Variants in ZBTB16 observed in about 807,000 individuals in gnomAD.
ZBTB16 encodes zinc finger and BTB domain containing 16.
Under a neutral mutation model 56.8 loss-of-function variants are expected in ZBTB16, and 8 were observed. The observed-to-expected ratio is 0.14, with a 90% CI of 0.08 to 0.25. The LOEUF is 0.25. Among genes scored for constraint, ZBTB16 ranks in the 10% least tolerant of loss-of-function variants. ZBTB16 has a pLI of 1.00. For missense variants in ZBTB16, 625 were observed against 903.0 expected (o/e 0.69, Z 3.95); for synonymous variants, 363 against 368.5 (o/e 0.98, Z 0.17).
At chr11:114,119,268 A>G (rs1211004999) in intron 2 of ZBTB16, among the ~76,000 whole-genome samples, 32 of 133,954 alleles carry the variant, frequency 2.4e-4, no homozygotes, top group Non-Finnish European at 4.0e-4. Context: ...CTGTCTCAAA[A>G]AAAAAAAAAA....
intron 4 of ZBTB16, among the ~76,000 whole-genome samples, chr11:114,224,905 A>G (rs1453686011): frequency 6.6e-6 from 1 of 152,170 alleles, no homozygotes; most frequent in Non-Finnish European, 1.5e-5. Flanking sequence ...TCAAAGGCAA[A>G]CAGTTTTGGT....
rs1941310852 is a variant in ZBTB16 at position 114,120,461 on chromosome 11, A to C, written c.1269-35876A>C. On this transcript the variant is annotated intron_variant, in intron 2 of 6. Transcript: ENST00000335953. ...TTCTACTGTTTCATCCCTTTCCTTC[A>C]GTCCACCCTGGATCTCATCCTTTAA... is the stretch of plus-strand genomic sequence containing the variant. Among the ~76,000 whole-genome samples the C allele has an allele frequency of 2.0e-5, 3 of 152,204 alleles. No individual in the cohort carries two copies. The South Asian group carries it at 6.2e-4, about 32-fold the overall frequency.
chr11:114,237,710 C>T (rs1042671433), intron 4 of ZBTB16, among the ~76,000 whole-genome samples: 1 of 152,208 alleles, frequency 6.6e-6, no homozygotes, highest in African/African-American at 2.4e-5. Context: ...TGCGAACAAT[C>T]AGCTAGGCTG....
chr11:114,173,839 G>A (rs143028486), intron 3 of ZBTB16, among the ~76,000 whole-genome samples: 1 of 152,338 alleles, frequency 6.6e-6, no homozygotes, highest in East Asian at 1.9e-4. Flanking sequence ...ATTCATCAAT[G>A]TGAGAGTCCA....
intron 4 of ZBTB16, among the ~76,000 whole-genome samples, chr11:114,218,054 C>T (rs1024797408): frequency 9.9e-5 from 15 of 152,034 alleles, no homozygotes; most frequent in Non-Finnish European, 2.1e-4. Flanking sequence ...AAGAGGCTGA[C>T]AGGCTGAAGA....
At chr11:114,233,674 TCC>T (rs1391698567) in intron 4 of ZBTB16, among the ~76,000 whole-genome samples, 1 of 151,604 alleles carries the variant, frequency 6.6e-6, no homozygotes, top group Non-Finnish European at 1.5e-5. Context: ...CCTCATTTTC[TCC>T]CCCTCTTGGG....
At chr11:114,194,447 C>G (rs1186495216) in intron 4 of ZBTB16, among the ~76,000 whole-genome samples, 4 of 152,150 alleles carry the variant, frequency 2.6e-5, no homozygotes, top group Admixed American at 2.6e-4. Flanking sequence ...AGCTGGTGTT[C>G]TAGGAGGCCA....
intron 4 of ZBTB16, among the ~76,000 whole-genome samples, chr11:114,227,402 T>TC (rs1323232073): frequency 2.8e-4 from 43 of 152,130 alleles, no homozygotes; most frequent in African/African-American, 9.9e-4. Flanking sequence ...ACAAAGCCTA[T>TC]CCCCCCTCAT....
intron 5 of ZBTB16, among the ~76,000 whole-genome samples, chr11:114,244,602 G>A (rs886224035): frequency 6.6e-6 from 1 of 152,144 alleles, no homozygotes; most frequent in Admixed American, 6.5e-5. Flanking sequence ...TCGGGATGGG[G>A]ATACGTGTGT....
At chr11:114,080,931 T>G (rs543909849) in intron 2 of ZBTB16, among the ~76,000 whole-genome samples, 5 of 152,310 alleles carry the variant, frequency 3.3e-5, no homozygotes, top group Admixed American at 6.5e-5. Flanking sequence ...GCTCTCAATG[T>G]GTCCAAGAAT....
At chr11:114,176,786 G>A (rs182174789) in intron 3 of ZBTB16, among the ~76,000 whole-genome samples, 53 of 152,352 alleles carry the variant, frequency 3.5e-4, no homozygotes, top group Admixed American at 3.4e-3. Flanking sequence ...CTCAGGCAGT[G>A]ACAGTCAGGA....
rs75785486 is a variant in ZBTB16 at position 114,110,203 on chromosome 11, C to T, written c.1268+45635C>T. Among the ~76,000 whole-genome samples, 1,471 of 152,128 alleles carry T rather than the reference C, an allele frequency of 9.7e-3. 35 individuals carry two copies. The highest frequency in any genetic ancestry group is 0.032 in the African/African-American group (1,338 of 41,488). On this transcript the variant is annotated intron_variant, in intron 2 of 6. Transcript: ENST00000335953. ...CTGTGCCCCCACCCCCTTTTCCTAG[C>T]CCTATGAAGGGCTCAGACTTTCTTG...
intron 2 of ZBTB16, among the ~76,000 whole-genome samples, chr11:114,104,550 G>A (rs1940724034): frequency 6.6e-6 from 1 of 152,142 alleles, no homozygotes; most frequent in South Asian, 2.1e-4. Flanking sequence ...GATTGGTGTT[G>A]TTTTGCTGTG....
Position 114,220,399 on chromosome 11 carries a change from G to T in ZBTB16, c.1454-21768G>T, listed in dbSNP as rs190106027. Among the ~76,000 whole-genome samples, 3 of 152,340 alleles carry T rather than the reference G, an allele frequency of 2.0e-5. No individual in the cohort carries two copies. The East Asian group carries it at 5.8e-4, about 29-fold the overall frequency. ...GTGTGAGCAATGCATGCATGTGAGT[G>T]TGTGTAAATATGTCATGTTCTAGCC... On this transcript the variant is annotated intron_variant, in intron 4 of 6. Coordinates refer to ENST00000335953, the MANE Select transcript of ZBTB16 (RefSeq NM_006006.6).
At position 114,155,926 on chromosome 11, in the gene ZBTB16, G is replaced by A. The variant is rs560787258; in HGVS notation, c.1269-411G>A. 3.9e-5 allele frequency among the ~76,000 whole-genome samples: 6 copies of A among 152,272 alleles called. No individual in the cohort carries two copies. In the South Asian group the frequency reaches 6.2e-4, roughly 16 times the overall value. On this transcript the variant is annotated intron_variant, in intron 2 of 6. Coordinates refer to ENST00000335953, the MANE Select transcript of ZBTB16 (RefSeq NM_006006.6). The stretch of plus-strand genomic sequence containing the variant: ...TAGCCCTCCTGGGTCCCATGGGCTC[G>A]TTCACAGTCACCACCCGGGAAAGGC...
At chr11:114,228,480 T>C (rs963098380) in intron 4 of ZBTB16, among the ~76,000 whole-genome samples, 2 of 152,180 alleles carry the variant, frequency 1.3e-5, no homozygotes, top group African/African-American at 2.4e-5. Context: ...GTCACTTTTT[T>C]CCCCTCTCTG....
intron 3 of ZBTB16, among the ~76,000 whole-genome samples, chr11:114,165,680 G>C (rs1301120911): frequency 1.3e-5 from 2 of 152,194 alleles, no homozygotes; most frequent in Non-Finnish European, 2.9e-5. Flanking sequence ...AAAGGGGTCA[G>C]TGCCAGGGAG....
rs1045897584 is a variant in ZBTB16 at position 114,252,486 on chromosome 11, G to T, written c.*1931G>T. 2.0e-5 allele frequency among the ~76,000 whole-genome samples: 3 copies of T among 151,952 alleles called. No homozygotes were observed. Among genetic ancestry groups the T allele is most frequent in the Admixed American group, 2.0e-4 (3 of 15,256 alleles). On this transcript the variant is annotated 3_prime_UTR_variant, in exon 7 of 7. Transcript: ENST00000335953. ...CCAGTTGTTCTTTTGTTCCTTTCCCGCCTCCCATTCTGCTGCTCTTCCTCC... is the reference window on the plus strand; with the variant it reads ...CCAGTTGTTCTTTTGTTCCTTTCCCTCCTCCCATTCTGCTGCTCTTCCTCC...
rs141066385 is a variant in ZBTB16 at position 114,182,961 on chromosome 11, A to G, written c.1367-3991A>G. Among the ~76,000 whole-genome samples the G allele has an allele frequency of 1.6e-4, 25 of 152,288 alleles. No individual in the cohort carries two copies. In the East Asian group the frequency reaches 4.6e-3, roughly 28 times the overall value. On this transcript the variant is annotated intron_variant, in intron 3 of 6. Transcript: ENST00000335953. ...ATCACTTTTAATTTCAGGGCTGCCA[A>G]ATATTTCTGCCTCTGAGCCAGCCAT...
Sources: gnomAD v4.1 joint callset for allele counts (sites outside exome capture counted in the v4.1 genomes callset) on GRCh38, gnomAD v4.1.1 for gene constraint, MANE v1.5 for transcripts, NCBI Gene and HGNC (gene_info 2026-07-23, HGNC 2026-07-21) for gene names.